The following SRP68 variants were observed in gnomAD, a reference collection of about 807,000 sequenced individuals.
SRP68 encodes the protein signal recognition particle 68, also known as signal recognition particle subunit SRP68.
SRP68 carries 15 observed loss-of-function variants against 82.2 expected under a neutral mutation model. That is an observed-to-expected ratio of 0.18 (90% CI 0.12 to 0.28). The LOEUF (loss-of-function observed/expected upper bound fraction) is 0.28, where lower values mean the gene tolerates loss of function less well. Ranked by LOEUF, SRP68 falls within the 10% of genes least tolerant of loss-of-function variation. The probability of loss-of-function intolerance (pLI) is 1.00; values close to 1 mark genes in which losing one functional copy is unlikely to be tolerated. For missense variants in SRP68, 595 were observed against 780.5 expected (o/e 0.76, Z 2.83); for synonymous variants, 261 against 292.6 (o/e 0.89, Z 1.10).
At chr17:76,053,443 T>C in intron 8 of SRP68, 1 of 985,322 alleles carries the variant, frequency 1.0e-6, no homozygotes, top group African/African-American at 1.7e-5. Flanking sequence ...GCGAACTTCG[T>C]CTTACCAGCT....
At chr17:76,055,878 G>T (rs1163790235) in intron 8 of SRP68, among the ~76,000 whole-genome samples, 6 of 137,124 alleles carry the variant, frequency 4.4e-5, no homozygotes, top group Admixed American at 8.4e-5. Context: ...TGTGATTTCA[G>T]CTCACTGCAG....
rs1023884170 is a variant in SRP68 at position 76,047,829 on chromosome 17, A to C, written c.1142+77T>G. The stretch of plus-strand genomic sequence containing the variant: ...GAAAAGAAATTATAAATGTAAATAT[A>C]CATAAATATTACATATACTCTTTTG... On this transcript the variant is annotated intron_variant, in intron 10 of 15. Coordinates refer to ENST00000307877, the MANE Select transcript of SRP68 (RefSeq NM_014230.4). 20 of 715,354 alleles carry C rather than the reference A, an allele frequency of 2.8e-5. No homozygotes were observed. The African/African-American group carries it at 3.4e-4, about 12-fold the overall frequency. The allele number at this position is 715,354 out of a possible 1,614,324, so 44.3% of individuals were successfully genotyped here.
intron 1 of SRP68, 97 bp from the exon 2 acceptor site, chr17:76,070,541 T>A: frequency 9.4e-7 from 1 of 1,064,038 alleles, no homozygotes; most frequent in Non-Finnish European, 1.4e-6. Context: ...CACAACACAT[T>A]AAACATTTGT....
intron 13 of SRP68, 154 bp downstream of exon 13, chr17:76,043,675 G>T: frequency 1.6e-6 from 1 of 644,142 alleles, no homozygotes; most frequent in Non-Finnish European, 2.4e-6. Flanking sequence ...GACACAGCCT[G>T]CAGCTCCTGG....
rs961578878 is a variant in SRP68, at chr17:76,072,168, C to A, written c.184+140G>T. The A allele has an allele frequency of 4.1e-6, 6 of 1,456,024 alleles. No homozygotes were observed. Among genetic ancestry groups the A allele is most frequent in the African/African-American group, 1.5e-5 (1 of 67,542 alleles). The allele number at this position is 1,456,024 out of a possible 1,614,324, so 90.2% of individuals were successfully genotyped here. On this transcript the variant is annotated intron_variant, in intron 1 of 15. Coordinates refer to ENST00000307877, the MANE Select transcript of SRP68 (RefSeq NM_014230.4). This position sits in a 1 kb window ranked among gnomAD's most constrained non-coding sequence, Gnocchi z 4.5. ...GACAGACCCCCCCCGGAATTCTGAGCACCAAAAGGTAAGGGCGAGAGAAAC... is the reference window on the plus strand; with the variant it reads ...GACAGACCCCCCCCGGAATTCTGAGAACCAAAAGGTAAGGGCGAGAGAAAC...
chr17:76,064,586 A>G (rs2066792639), intron 3 of SRP68, among the ~76,000 whole-genome samples: 1 of 152,080 alleles, frequency 6.6e-6, no homozygotes, highest in Non-Finnish European at 1.5e-5. Flanking sequence ...CACACCTATA[A>G]TCCCAGCACT....
intron 4 of SRP68, 186 bp from the exon 5 acceptor site, chr17:76,061,760 G>C: frequency 2.2e-6 from 1 of 455,438 alleles, no homozygotes. Flanking sequence ...CACAGTTGAA[G>C]ACAAGCCAGG....
intron 4 of SRP68, 22 bp from the exon 5 acceptor site, chr17:76,061,596 G>C: frequency 6.2e-7 from 1 of 1,600,340 alleles, no homozygotes; most frequent in Non-Finnish European, 8.6e-7. Flanking sequence ...TGGAAGAGGA[G>C]GAACTGCTTC....
intron 8 of SRP68, among the ~76,000 whole-genome samples, chr17:76,055,923 T>C (rs558971678): frequency 6.8e-6 from 1 of 146,906 alleles, no homozygotes; most frequent in East Asian, 2.2e-4. Flanking sequence ...TCCTCTTGCC[T>C]CAGCCTCCAA....
intron 5 of SRP68, 24 bp downstream of exon 5, chr17:76,061,468 C>T (rs752058931): frequency 1.9e-6 from 3 of 1,601,168 alleles, no homozygotes; most frequent in South Asian, 1.1e-5. Flanking sequence ...AAACTGGCCA[C>T]AGCCTTTGGA....
At chr17:76,061,034 G>T in intron 6 of SRP68, 76 bp downstream of exon 6, 1 of 887,100 alleles carries the variant, frequency 1.1e-6, no homozygotes, top group Non-Finnish European at 1.9e-6. Flanking sequence ...AACTCTCTAG[G>T]CTCTCTGAAG....
intron 10 of SRP68, 24 bp downstream of exon 10, chr17:76,047,882 T>C: frequency 1.5e-6 from 2 of 1,344,084 alleles, no homozygotes; most frequent in Non-Finnish European, 2.0e-6. Context: ...TATTAAAAAG[T>C]AAAAAAATTA....
intron 8 of SRP68, among the ~76,000 whole-genome samples, chr17:76,051,514 C>T (rs183177488): frequency 2.0e-5 from 3 of 152,326 alleles, no homozygotes; most frequent in South Asian, 4.1e-4. Flanking sequence ...CTGCCCACCC[C>T]TTTAAGAGAT....
rs536477130 is a variant in SRP68, at chr17:76,072,446, T to TGCC, written c.43_45dup (p.Gly15dup). The TGCC allele has an allele frequency of 3.5e-4, 554 of 1,579,362 alleles. 1 individual carries two copies. Among genetic ancestry groups the TGCC allele is most frequent in the African/African-American group, 8.4e-4 (62 of 73,602 alleles). ...CCGCCACTGCCACCGCCGCCGCCAC[T>TGCC]GCCGCCGCCGCCGCCGCCGCCTGGG... is the stretch of plus-strand genomic sequence containing the variant. On this transcript the variant is annotated inframe_insertion, in exon 1 of 16. Coordinates refer to ENST00000307877, the MANE Select transcript of SRP68 (RefSeq NM_014230.4). This position sits in a 1 kb window ranked among gnomAD's most constrained non-coding sequence, Gnocchi z 4.5.
chr17:76,048,885 G>A (rs867250033), intron 9 of SRP68: 1 of 152,228 alleles, frequency 6.6e-6, no homozygotes, highest in African/African-American at 2.4e-5. Context: ...CAGTGACAGG[G>A]GCTGGGACTC....
At chr17:76,047,432 A>C (rs556311418) in intron 10 of SRP68, among the ~76,000 whole-genome samples, 1 of 152,352 alleles carries the variant, frequency 6.6e-6, no homozygotes, top group South Asian at 2.1e-4. Flanking sequence ...TAAATGTAGC[A>C]TATATACTTA....
At chr17:76,061,312 A>T in intron 5 of SRP68, 93 bp from the exon 6 acceptor site, 1 of 986,198 alleles carries the variant, frequency 1.0e-6, no homozygotes, top group Non-Finnish European at 1.6e-6. Flanking sequence ...TGGCCTTTTG[A>T]AGCTCTCCTA....
chr17:76,048,289 A>C (rs1374424157), intron 9 of SRP68: 1 of 164,126 alleles, frequency 6.1e-6, no homozygotes, highest in East Asian at 1.6e-4. Flanking sequence ...GCTCTGTGTG[A>C]AGGTCTGTGC....
intron 8 of SRP68, among the ~76,000 whole-genome samples, chr17:76,054,856 A>G (rs747935686): frequency 3.3e-5 from 5 of 152,180 alleles, no homozygotes; most frequent in Non-Finnish European, 5.9e-5. Context: ...AAAAAAAAAC[A>G]TAAGAACTCT....
Sources: gnomAD v4.1 joint callset for allele counts (sites outside exome capture counted in the v4.1 genomes callset) on GRCh38, gnomAD v4.1.1 for gene constraint, Gnocchi (gnomAD v3.1) non-coding constraint, MANE v1.5 for transcripts, NCBI Gene and HGNC (gene_info 2026-07-23, HGNC 2026-07-21) for gene names.